SLC24A2: variants seen among roughly 807,000 people sequenced by gnomAD.
SLC24A2 encodes sodium/potassium/calcium exchanger 2.
A neutral mutation model predicts 62.0 loss-of-function variants in SLC24A2; 36 were observed. That is an observed-to-expected ratio of 0.58 (90% CI 0.44 to 0.77). The LOEUF (loss-of-function observed/expected upper bound fraction) is 0.77. SLC24A2 is among the 30% of genes least tolerant of loss of function. SLC24A2 has a pLI of 0.00. For missense variants in SLC24A2, 846 were observed against 817.9 expected, an observed-to-expected ratio of 1.03 and a Z score of -0.42; for synonymous variants, 358 against 294.0, an observed-to-expected ratio of 1.22 and a Z score of -2.23.
chr9:20,045,823 T>C, the SLC24A2 span, among the ~76,000 whole-genome samples: 1 of 152,178 alleles, frequency 6.6e-6, no homozygotes, highest in South Asian at 2.1e-4. Flanking sequence ...GGAACTACTA[T>C]GAGTGTGCCT....
chr9:20,012,679 A>C, the SLC24A2 span, among the ~76,000 whole-genome samples: 1 of 152,238 alleles, frequency 6.6e-6, no homozygotes, highest in Non-Finnish European at 1.5e-5. Context: ...AATTCAGTAA[A>C]CAAATTCAGT....
At chr9:19,999,433 G>A in the SLC24A2 span, among the ~76,000 whole-genome samples, 1 of 152,176 alleles carries the variant, frequency 6.6e-6, no homozygotes, top group Non-Finnish European at 1.5e-5. Context: ...GAAAAGCACA[G>A]AGAATTCTTT....
chr9:19,864,977 T>A, the SLC24A2 span, among the ~76,000 whole-genome samples: 1 of 151,712 alleles, frequency 6.6e-6, no homozygotes, highest in African/African-American at 2.4e-5. Flanking sequence ...ATTGATAAAT[T>A]TAATAAAGTT....
At chr9:19,910,787 C>T in the SLC24A2 span, among the ~76,000 whole-genome samples, 3 of 152,064 alleles carry the variant, frequency 2.0e-5, no homozygotes, top group African/African-American at 7.2e-5. Flanking sequence ...AGAATCCTTC[C>T]TGGAGGGAAG....
intron 5 of SLC24A2, among the ~76,000 whole-genome samples, chr9:19,592,495 CACCTACCTACCTACCTACCTACCT>C (rs34178915): frequency 4.3e-5 from 3 of 70,512 alleles, no homozygotes; most frequent in South Asian, 5.9e-4. Context: ...CCTACCTACC[CACCTACCTACCTACCTACCTACCT>C]ACCTACCTAC....
intron 3 of SLC24A2, among the ~76,000 whole-genome samples, chr9:19,620,839 G>A (rs150469404): frequency 6.6e-6 from 1 of 152,288 alleles, no homozygotes; most frequent in East Asian, 1.9e-4. Flanking sequence ...TCTGGGGCAG[G>A]TAAAAATAAA....
At chr9:19,756,888 C>T (rs1822155938) in intron 2 of SLC24A2, among the ~76,000 whole-genome samples, 1 of 112,450 alleles carries the variant, frequency 8.9e-6, no homozygotes, top group Non-Finnish European at 1.8e-5. Flanking sequence ...GATATTCACA[C>T]TTCTTTTACT....
chr9:19,997,024 G>A, the SLC24A2 span, among the ~76,000 whole-genome samples: 1 of 151,734 alleles, frequency 6.6e-6, no homozygotes, highest in African/African-American at 2.4e-5. Flanking sequence ...ATTATTGCAG[G>A]CAAAAGATGG....
the SLC24A2 span, among the ~76,000 whole-genome samples, chr9:19,941,088 A>G: frequency 2.0e-5 from 3 of 152,238 alleles, no homozygotes; most frequent in Admixed American, 6.5e-5. Flanking sequence ...AGACTGATGT[A>G]CACTGGCTGA....
At chr9:20,048,994 C>T in the SLC24A2 span, among the ~76,000 whole-genome samples, 1 of 151,614 alleles carries the variant, frequency 6.6e-6, no homozygotes, top group Non-Finnish European at 1.5e-5. Flanking sequence ...AGGTTTGTTA[C>T]ATATGTATAC....
chr9:19,792,708 C>CA (rs143758432), upstream of SLC24A2, among the ~76,000 whole-genome samples: 96,502 of 148,194 alleles, frequency 0.65, 36,513 homozygotes, highest in Non-Finnish European at 0.85. Flanking sequence ...AACTCCATCT[C>CA]AAAAAAAAAA....
chr9:20,077,454 C>A, the SLC24A2 span, among the ~76,000 whole-genome samples: 1 of 151,994 alleles, frequency 6.6e-6, no homozygotes, highest in East Asian at 1.9e-4. Context: ...TGTTTTAAAA[C>A]AAAGTAGCTA....
At position 19,706,855 on chromosome 9, in the gene SLC24A2, C is replaced by G. The variant is rs1040500503; in HGVS notation, c.930+79082G>C. Among the ~76,000 whole-genome samples, 11 of 151,906 alleles carry G rather than the reference C, an allele frequency of 7.2e-5. 1 individual carries two copies. Among genetic ancestry groups the G allele is most frequent in the African/African-American group, 2.4e-4 (10 of 41,374 alleles). The stretch of plus-strand genomic sequence containing the variant: ...ATCACAATTAAAAGAACTAGAAAAG[C>G]AAGAGCAAACACATTCAAAAGCTAG... On this transcript the variant is annotated intron_variant, in intron 2 of 10. Coordinates refer to ENST00000341998, the MANE Select transcript of SLC24A2 (RefSeq NM_020344.4).
upstream of SLC24A2, among the ~76,000 whole-genome samples, chr9:19,790,464 G>C (rs1296866739): frequency 6.8e-6 from 1 of 147,830 alleles, no homozygotes; most frequent in Non-Finnish European, 1.5e-5. Flanking sequence ...CTACCACTAG[G>C]GTTGTGTCAA....
the SLC24A2 span, among the ~76,000 whole-genome samples, chr9:19,995,853 C>G: frequency 1.3e-5 from 2 of 152,338 alleles, no homozygotes; most frequent in South Asian, 2.1e-4. Context: ...TGTGCTTAGT[C>G]AAGGCAGCCT....
the SLC24A2 span, among the ~76,000 whole-genome samples, chr9:20,095,326 C>T: frequency 2.6e-5 from 4 of 152,198 alleles, no homozygotes; most frequent in East Asian, 1.9e-4. Context: ...TTAATTTTAT[C>T]CGTCAACTTG....
chr9:19,774,441 G>A lies in SLC24A2; in HGVS notation c.930+11496C>T, dbSNP rs117731469. On this transcript the variant is annotated intron_variant, in intron 2 of 10. Coordinates refer to ENST00000341998, the MANE Select transcript of SLC24A2 (RefSeq NM_020344.4). ...TGTTAACCTTTAGCCATCATCGGCC[G>A]TCTCGGAAAACTAACAGGTTCCTGG... 5.9e-4 allele frequency among the ~76,000 whole-genome samples: 90 copies of A among 152,208 alleles called. 1 individual carries two copies. In the East Asian group the frequency reaches 0.015, roughly 26 times the overall value.
the SLC24A2 span, among the ~76,000 whole-genome samples, chr9:20,096,960 T>C: frequency 4.0e-4 from 61 of 152,362 alleles, no homozygotes; most frequent in Non-Finnish European, 7.9e-4. Context: ...TGAATTCTAA[T>C]CCAATTCCCA....
chr9:19,796,316 A>C, the SLC24A2 span, among the ~76,000 whole-genome samples: 1 of 151,702 alleles, frequency 6.6e-6, no homozygotes, highest in Admixed American at 6.6e-5. Flanking sequence ...TTCACCCCAA[A>C]CTCTCTGATA....
Sources: gnomAD v4.1 joint callset for allele counts (sites outside exome capture counted in the v4.1 genomes callset) on GRCh38, gnomAD v4.1.1 for gene constraint, MANE v1.5 for transcripts, NCBI Gene and HGNC (gene_info 2026-07-23, HGNC 2026-07-21) for gene names.